ITCH: variants seen among roughly 807,000 people sequenced by gnomAD.
ITCH encodes itchy E3 ubiquitin protein ligase, also known as E3 ubiquitin-protein ligase Itchy homolog.
ITCH carries 28 observed loss-of-function variants against 126.8 expected under a neutral mutation model. The ratio of observed to expected loss-of-function variants is 0.22; its 90% CI spans 0.16 to 0.30. ITCH has a LOEUF of 0.30. ITCH is among the 10% of genes least tolerant of loss of function. The pLI, the probability that ITCH is intolerant of heterozygous loss-of-function variation, is 1.00. For missense variants in ITCH, 631 were observed against 1,032.4 expected, an observed-to-expected ratio of 0.61 and a Z score of 5.33; for synonymous variants, 342 against 340.0, an observed-to-expected ratio of 1.01 and a Z score of -0.06.
rs939093768 is a variant in ITCH at position 34,411,928 on chromosome 20, C to T, written c.213-587C>T. 2.6e-5 allele frequency among the ~76,000 whole-genome samples: 4 copies of T among 152,170 alleles called. No homozygotes were observed. In the South Asian group the frequency reaches 8.3e-4, roughly 32 times the overall value. ...GATAGTTGGACTGGGCAACTTGCCT[C>T]TAGCAGTGTGAAACTTGATGTATGT... On this transcript the variant is annotated intron_variant, in intron 4 of 24. Coordinates refer to ENST00000374864, the MANE Select transcript of ITCH (RefSeq NM_031483.7).
At chr20:34,474,520 A>T (rs1043994292) in intron 16 of ITCH, among the ~76,000 whole-genome samples, 2 of 152,242 alleles carry the variant, frequency 1.3e-5, no homozygotes, top group East Asian at 1.9e-4. Context: ...CAGAAGAATT[A>T]TTCTTAGTAC....
intron 23 of ITCH, among the ~76,000 whole-genome samples, chr20:34,495,952 G>C (rs988510448): frequency 1.4e-5 from 2 of 143,952 alleles, no homozygotes; most frequent in African/African-American, 2.6e-5. Context: ...AAAAAAATTA[G>C]CTGAGAGTGG....
Position 34,438,331 on chromosome 20 carries a change from A to G in ITCH, c.522-143A>G. Reference sequence around the variant, plus strand: ...CTACCCAAAGGCTCTTTATGTATTTAATAAGGCTGACCAGAAATTAAAAAG... The same window carrying G: ...CTACCCAAAGGCTCTTTATGTATTTGATAAGGCTGACCAGAAATTAAAAAG... On this transcript the variant is annotated intron_variant, in intron 7 of 24. Coordinates refer to ENST00000374864, the MANE Select transcript of ITCH (RefSeq NM_031483.7). The G allele has an allele frequency of 5.0e-6, 4 of 799,600 alleles. No individual in the cohort carries two copies. In the South Asian group the frequency reaches 5.1e-5, roughly 10 times the overall value. The allele number at this position is 799,600 out of a possible 1,614,324, so 49.5% of individuals were successfully genotyped here. A position where few individuals can be genotyped will look rare whatever the true frequency, so the allele number is the denominator to read the frequency against.
chr20:34,410,610 A>G (rs1978886450), intron 4 of ITCH, among the ~76,000 whole-genome samples: 1 of 152,164 alleles, frequency 6.6e-6, no homozygotes, highest in African/African-American at 2.4e-5. Flanking sequence ...TGGGAGGATA[A>G]GGGGGGAGGA....
At chr20:34,505,436 C>T (rs778852712) in intron 24 of ITCH, among the ~76,000 whole-genome samples, 5 of 152,178 alleles carry the variant, frequency 3.3e-5, no homozygotes, top group Non-Finnish European at 7.3e-5. Flanking sequence ...TCCATGTACC[C>T]ATTAGCAGTC....
chr20:34,456,847 G>T (rs1325623784), intron 12 of ITCH, among the ~76,000 whole-genome samples: 1 of 151,328 alleles, frequency 6.6e-6, no homozygotes, highest in Non-Finnish European at 1.5e-5. Flanking sequence ...CTCCCAAAGT[G>T]CTGGGATTAC....
At chr20:34,496,471 T>G (rs1453795052) in intron 23 of ITCH, among the ~76,000 whole-genome samples, 1 of 152,206 alleles carries the variant, frequency 6.6e-6, no homozygotes, top group African/African-American at 2.4e-5. Context: ...TTTGTCTATT[T>G]TTATTTTTGT....
At chr20:34,429,457 T>G (rs1354109202) in intron 7 of ITCH, among the ~76,000 whole-genome samples, 2 of 152,194 alleles carry the variant, frequency 1.3e-5, no homozygotes, top group Non-Finnish European at 2.9e-5. Flanking sequence ...AATCACCTGG[T>G]TCATTAGATT....
chr20:34,374,606 A>G (rs1344143528), intron 2 of ITCH, among the ~76,000 whole-genome samples: 3 of 152,180 alleles, frequency 2.0e-5, no homozygotes, highest in African/African-American at 7.2e-5. Flanking sequence ...AGCATTGTAA[A>G]TTTAAATGCC....
intron 13 of ITCH, among the ~76,000 whole-genome samples, chr20:34,460,639 T>C (rs1221601655): frequency 6.6e-6 from 1 of 152,202 alleles, no homozygotes; most frequent in Middle Eastern, 3.4e-3. Flanking sequence ...ACCTAAAGTT[T>C]AGAGAGATTA....
At chr20:34,365,437 C>T (rs572263770) in intron 1 of ITCH, among the ~76,000 whole-genome samples, 28 of 152,218 alleles carry the variant, frequency 1.8e-4, no homozygotes, top group African/African-American at 6.7e-4. Flanking sequence ...TTGTTTGAGA[C>T]GGAATCTAAC....
At chr20:34,472,435 A>G (rs1987737783) in intron 16 of ITCH, among the ~76,000 whole-genome samples, 1 of 151,876 alleles carries the variant, frequency 6.6e-6, no homozygotes, top group Non-Finnish European at 1.5e-5. Flanking sequence ...TCTTGCAGAT[A>G]TTACTAATAA....
At chr20:34,434,276 C>T (rs1457291637) in intron 7 of ITCH, among the ~76,000 whole-genome samples, 1 of 151,902 alleles carries the variant, frequency 6.6e-6, no homozygotes, top group Non-Finnish European at 1.5e-5. Context: ...CCACGGCACT[C>T]CAGCCTGGGT....
intron 7 of ITCH, among the ~76,000 whole-genome samples, chr20:34,430,365 A>G (rs1376431496): frequency 6.6e-6 from 1 of 152,098 alleles, no homozygotes; most frequent in African/African-American, 2.4e-5. Flanking sequence ...AATAAATGTT[A>G]TTTTTATTGT....
At chr20:34,385,045 C>T (rs1471597612) in intron 2 of ITCH, among the ~76,000 whole-genome samples, 2 of 151,116 alleles carry the variant, frequency 1.3e-5, no homozygotes, top group African/African-American at 4.9e-5. Flanking sequence ...GACCGAGTCT[C>T]ACTCTGTCGC....
At chr20:34,438,322 T>C (rs1369162172) in intron 7 of ITCH, 152 bp from the exon 8 acceptor site, 2 of 734,070 alleles carry the variant, frequency 2.7e-6, no homozygotes, top group Admixed American at 5.1e-5. Context: ...AAAGGCTCTT[T>C]ATGTATTTAA....
intron 2 of ITCH, among the ~76,000 whole-genome samples, chr20:34,370,547 C>T (rs2037583791): frequency 6.6e-6 from 1 of 151,592 alleles, no homozygotes; most frequent in African/African-American, 2.4e-5. Flanking sequence ...GCCTGTATTC[C>T]CAGTTACTTG....
chr20:34,470,278 C>G (rs1159767435), intron 15 of ITCH, among the ~76,000 whole-genome samples, 158 bp downstream of exon 15: 3 of 152,046 alleles, frequency 2.0e-5, no homozygotes, highest in Non-Finnish European at 2.9e-5. Context: ...ATAGATTTAT[C>G]AATTAGATCA....
chr20:34,438,459 CCT>C lies in ITCH; in HGVS notation c.522-12_522-11del. ...ATTTCCCTCTCCCCCTTCCTTTTCC[CCT>C]CTTCTTACCCAGAGTGAGCACAAAT... On this transcript the variant is annotated splice_polypyrimidine_tract_variant and intron_variant, in intron 7 of 24. Transcript: ENST00000374864. 2.1e-5 allele frequency: 34 copies of C among 1,613,716 alleles called. No homozygotes were observed. The highest frequency in any genetic ancestry group is 2.9e-5 in the Non-Finnish European group (34 of 1,179,722).
Sources: gnomAD v4.1 joint callset for allele counts (sites outside exome capture counted in the v4.1 genomes callset) on GRCh38, gnomAD v4.1.1 for gene constraint, MANE v1.5 for transcripts, NCBI Gene and HGNC (gene_info 2026-07-23, HGNC 2026-07-21) for gene names.